The following ACOT1 variants were observed in gnomAD, a reference collection of about 807,000 sequenced individuals.
The protein encoded by ACOT1 is acyl-coenzyme A thioesterase 1.
ACOT1 carries 8 observed loss-of-function variants against 15.7 expected under a neutral mutation model. The observed-to-expected ratio is 0.51, with a 90% CI of 0.30 to 0.92. The LOEUF (loss-of-function observed/expected upper bound fraction) is 0.92, where lower values mean the gene tolerates loss of function less well. Ranked by LOEUF, ACOT1 falls within the 40% of genes least tolerant of loss-of-function variation. The pLI, the probability that ACOT1 is intolerant of heterozygous loss-of-function variation, is 0.06. For synonymous variants in ACOT1, 67 were observed against 241.2 expected, an observed-to-expected ratio of 0.28 and a Z score of 6.69; for missense variants, 151 against 539.4, an observed-to-expected ratio of 0.28 and a Z score of 7.13.
chr14:73,491,792 G>A, the ACOT1 span: 3 of 1,588,596 alleles, frequency 1.9e-6, no homozygotes, highest in Non-Finnish European at 1.7e-6. Context: ...GGTGCAGTTC[G>A]GCCAGCATTT....
chr14:73,493,754 C>T, the ACOT1 span, among the ~76,000 whole-genome samples: 1 of 152,186 alleles, frequency 6.6e-6, no homozygotes, highest in Non-Finnish European at 1.5e-5. Flanking sequence ...AGGAGGATCA[C>T]TTGAACCTGG....
chr14:73,529,669 C>A, the ACOT1 span, among the ~76,000 whole-genome samples: 2 of 152,148 alleles, frequency 1.3e-5, no homozygotes, highest in Non-Finnish European at 2.9e-5. Context: ...GCTTATCAGT[C>A]GCTTACCCTC....
the ACOT1 span, among the ~76,000 whole-genome samples, chr14:73,497,301 A>G: frequency 6.6e-6 from 1 of 152,162 alleles, no homozygotes; most frequent in Non-Finnish European, 1.5e-5. Flanking sequence ...CAGCCTCCCA[A>G]AGTGTTGGGA....
chr14:73,529,169 C>A, the ACOT1 span: 1 of 152,038 alleles, frequency 6.6e-6, no homozygotes, highest in African/African-American at 2.4e-5. Context: ...GCTTGACCAA[C>A]ATGGTGAAAC....
chr14:73,531,486 T>A, the ACOT1 span, among the ~76,000 whole-genome samples: 3 of 104,542 alleles, frequency 2.9e-5, 1 homozygote, highest in Admixed American at 2.2e-4. Context: ...AGTGGTGTGA[T>A]CTTGGCTCAC....
the ACOT1 span, chr14:73,491,283 C>G: frequency 6.4e-7 from 1 of 1,556,806 alleles, no homozygotes; most frequent in Non-Finnish European, 8.7e-7. Context: ...GCGGCCGTCC[C>G]GGACGCAGCC....
the ACOT1 span, chr14:73,498,355 T>G: frequency 6.3e-7 from 1 of 1,577,228 alleles, no homozygotes; most frequent in Non-Finnish European, 8.7e-7. Flanking sequence ...CTGCAGAGAT[T>G]AGAGGGCAGC....
chr14:73,519,599 G>C, the ACOT1 span, among the ~76,000 whole-genome samples: 21 of 152,198 alleles, frequency 1.4e-4, no homozygotes, highest in Non-Finnish European at 2.8e-4. Context: ...ACAAAAATTA[G>C]CTGGGTACAG....
chr14:73,524,310 A>AAAAAAAATATATATATATATATATATAT, the ACOT1 span, among the ~76,000 whole-genome samples: 1 of 54,788 alleles, frequency 1.8e-5, no homozygotes, highest in African/African-American at 8.8e-5. Flanking sequence ...AAAAAAAAAA[A>AAAAAAAATATATATATATATATATATAT]ATATATATAT....
the ACOT1 span, among the ~76,000 whole-genome samples, chr14:73,510,163 G>C: frequency 6.6e-6 from 1 of 151,726 alleles, no homozygotes; most frequent in Admixed American, 6.6e-5. Flanking sequence ...CCCCAGCTGA[G>C]CCTTTATATT....
the ACOT1 span, among the ~76,000 whole-genome samples, chr14:73,516,958 T>A: frequency 1.3e-5 from 2 of 152,196 alleles, no homozygotes; most frequent in Non-Finnish European, 2.9e-5. Context: ...GGTTGAGGAC[T>A]GCCGATCTAA....
the ACOT1 span, among the ~76,000 whole-genome samples, chr14:73,519,415 G>A: frequency 6.6e-6 from 1 of 152,238 alleles, no homozygotes; most frequent in Admixed American, 6.5e-5. Context: ...CACCTCATTA[G>A]AGGCCTGGGA....
the ACOT1 span, among the ~76,000 whole-genome samples, chr14:73,508,751 C>CAAA: frequency 8.7e-3 from 500 of 57,796 alleles, 16 homozygotes; most frequent in Admixed American, 0.024. Flanking sequence ...AACTCTGTCT[C>CAAA]AAAAAAAAAA....
the ACOT1 span, chr14:73,530,611 A>C: frequency 8.2e-6 from 1 of 121,702 alleles, no homozygotes; most frequent in Non-Finnish European, 1.8e-5. Flanking sequence ...AAACTCTGCT[A>C]TAAAGATGAC....
chr14:73,517,231 T>C, the ACOT1 span: 1 of 152,314 alleles, frequency 6.6e-6, no homozygotes, highest in African/African-American at 2.4e-5. Context: ...AACTAAGTTT[T>C]GTATTTTTTT....
chr14:73,497,632 CT>C, the ACOT1 span, among the ~76,000 whole-genome samples: 51 of 146,218 alleles, frequency 3.5e-4, no homozygotes, highest in Admixed American at 1.0e-3. Flanking sequence ...AAAACCCATC[CT>C]TTTTTTTTTT....
At chr14:73,503,714 A>G in the ACOT1 span, among the ~76,000 whole-genome samples, 1 of 152,194 alleles carries the variant, frequency 6.6e-6, no homozygotes, top group Non-Finnish European at 1.5e-5. Flanking sequence ...AATCCCCACA[A>G]CACCTTATAG....
chr14:73,542,358 G>C (rs1889114939), intron 2 of ACOT1, among the ~76,000 whole-genome samples: 3 of 101,708 alleles, frequency 2.9e-5, no homozygotes, highest in African/African-American at 1.0e-4. Context: ...AAAGATATTT[G>C]TAGTTGGTAT....
the ACOT1 span, chr14:73,495,190 A>G: frequency 6.3e-7 from 1 of 1,579,174 alleles, no homozygotes; most frequent in South Asian, 1.2e-5. Flanking sequence ...GGCTTATTAA[A>G]GGAATCAAGG....
Sources: allele counts gnomAD v4.1 joint callset (sites outside exome capture counted in the v4.1 genomes callset), GRCh38; gene constraint gnomAD v4.1.1; transcripts MANE v1.5; gene names NCBI Gene and HGNC (gene_info 2026-07-23, HGNC 2026-07-21).